Variants in ZNF133 observed in about 807,000 individuals in gnomAD.
ZNF133 encodes the protein zinc finger protein 133, also known as zinc finger protein 133 (clone pHZ-13).
ZNF133 carries 26 observed loss-of-function variants against 54.9 expected under a neutral mutation model. That is an observed-to-expected ratio of 0.47 (90% CI 0.35 to 0.66). The LOEUF (loss-of-function observed/expected upper bound fraction) is 0.66, where lower values mean the gene tolerates loss of function less well. Ranked by LOEUF, ZNF133 falls within the 30% of genes least tolerant of loss-of-function variation. The pLI, the probability that ZNF133 is intolerant of heterozygous loss-of-function variation, is 0.01. For synonymous variants in ZNF133, 298 were observed against 320.3 expected (o/e 0.93, Z 0.74); for missense variants, 653 against 820.8 (o/e 0.80, Z 2.50).
chr20:18,308,425 C>G (rs142213004), intron 6 of ZNF133, among the ~76,000 whole-genome samples: 24 of 152,204 alleles, frequency 1.6e-4, no homozygotes, highest in African/African-American at 5.8e-4. Context: ...TCTCCACAGT[C>G]GTAATTTATA....
chr20:18,314,760 G>A (rs1264396784), intron 6 of ZNF133: 4 of 274,482 alleles, frequency 1.5e-5, no homozygotes, highest in East Asian at 1.3e-4. Flanking sequence ...ATGGTTGTGA[G>A]TTAGAAGGTA....
In ZNF133 at chr20:18,315,051, A is replaced by C; in HGVS notation, c.218-18A>C. On this transcript the variant is annotated intron_variant, in intron 6 of 6. Transcript: ENST00000425686. ...CCCACTGAGGACTCAGTTGTGACTC[A>C]CACTTTTCTCTCTGCAGCAGATCCA... is the stretch of plus-strand genomic sequence containing the variant. 2 of 1,518,260 alleles carry C rather than the reference A, an allele frequency of 1.3e-6. No individual in the cohort carries two copies. The highest frequency in any genetic ancestry group is 2.7e-5 in the South Asian group (2 of 74,846). The allele number at this position is 1,518,260 out of a possible 1,614,324, so 94.0% of individuals were successfully genotyped here.
At chr20:18,296,761 T>G (rs1031392159) in intron 1 of ZNF133, among the ~76,000 whole-genome samples, 1 of 152,238 alleles carries the variant, frequency 6.6e-6, no homozygotes, top group African/African-American at 2.4e-5. Context: ...GTTCTTCCCT[T>G]CAGTTCTTTT....
At chr20:18,297,899 T>G in intron 1 of ZNF133, 86 bp from the exon 2 acceptor site, 1 of 812,278 alleles carries the variant, frequency 1.2e-6, no homozygotes, top group Non-Finnish European at 2.0e-6. Context: ...GCGCCCCCAG[T>G]TGTGGGGTTA....
At chr20:18,292,764 C>T (rs1392103431) in intron 1 of ZNF133, among the ~76,000 whole-genome samples, 2 of 152,062 alleles carry the variant, frequency 1.3e-5, no homozygotes, top group Admixed American at 1.3e-4. Context: ...TTCTGTATCC[C>T]CAGGGTTTAA....
intron 3 of ZNF133, among the ~76,000 whole-genome samples, chr20:18,300,605 AT>A (rs1296282064): frequency 6.6e-6 from 1 of 152,186 alleles, no homozygotes; most frequent in East Asian, 1.9e-4. Flanking sequence ...AAAGGCACAA[AT>A]AGTTTCAGAA....
At chr20:18,297,447 T>C (rs1997872) in intron 1 of ZNF133, among the ~76,000 whole-genome samples, 47,549 of 152,000 alleles carry the variant, frequency 0.31, 8,935 homozygotes, top group East Asian at 0.64. Flanking sequence ...GGGGTATATC[T>C]CATATCCCAA....
At chr20:18,299,523 G>A (rs1424609264) in intron 3 of ZNF133, among the ~76,000 whole-genome samples, 2 of 152,182 alleles carry the variant, frequency 1.3e-5, no homozygotes, top group African/African-American at 4.8e-5. Context: ...GAGATTGTTT[G>A]AAGAAATAAT....
intron 1 of ZNF133, among the ~76,000 whole-genome samples, chr20:18,293,910 A>G (rs1038029987): frequency 2.2e-4 from 34 of 152,260 alleles, no homozygotes; most frequent in African/African-American, 8.2e-4. Flanking sequence ...TAATTAATGG[A>G]TTTAGAATGA....
intron 1 of ZNF133, among the ~76,000 whole-genome samples, chr20:18,292,021 C>T (rs2041156332): frequency 2.0e-5 from 3 of 152,152 alleles, no homozygotes; most frequent in African/African-American, 7.2e-5. Flanking sequence ...CTTCAGATTG[C>T]TTGGAGTCAT....
chr20:18,313,123 A>G lies in ZNF133; in HGVS notation c.218-1946A>G, dbSNP rs975185485. The G allele has an allele frequency of 6.6e-5, 10 of 152,214 alleles. 1 individual carries two copies. The highest frequency in any genetic ancestry group is 1.9e-4 in the African/African-American group (8 of 41,450). 9.4% of individuals were successfully genotyped at this position (152,214 alleles called of 1,614,324 possible). On this transcript the variant is annotated intron_variant, in intron 6 of 6. Transcript: ENST00000425686. ...GAGCACCTTAGATTTAAAATATTTT[A>G]TAAATAAATTCATTAACCTGGTAAT...
At chr20:18,291,709 A>ATTTTTTTT (rs35116436) in intron 1 of ZNF133, among the ~76,000 whole-genome samples, 1 of 138,892 alleles carries the variant, frequency 7.2e-6, no homozygotes, top group South Asian at 2.3e-4. Flanking sequence ...TTCCAGTTGG[A>ATTTTTTTT]TTTTTTTTTT....
At chr20:18,306,702 A>G in intron 6 of ZNF133, 3 of 1,347,548 alleles carry the variant, frequency 2.2e-6, no homozygotes, top group South Asian at 1.3e-5. Flanking sequence ...TGTTTTTTAA[A>G]AAGATCATCA....
At chr20:18,310,605 G>A (rs2045679945) in intron 6 of ZNF133, among the ~76,000 whole-genome samples, 1 of 152,170 alleles carries the variant, frequency 6.6e-6, no homozygotes, top group Non-Finnish European at 1.5e-5. Context: ...GAATACAATG[G>A]TGGTTACTAG....
At chr20:18,307,053 AC>A (rs200269479) in intron 6 of ZNF133, among the ~76,000 whole-genome samples, 4 of 129,010 alleles carry the variant, frequency 3.1e-5, no homozygotes, top group East Asian at 2.0e-4. Flanking sequence ...AGTTCCAATC[AC>A]CCCCCCTCCC....
At position 18,305,827 on chromosome 20, in the gene ZNF133, G is replaced by A. The variant is rs1314828751; in HGVS notation, c.121+20G>A. 15 of 1,590,542 alleles carry A rather than the reference G, an allele frequency of 9.4e-6. No homozygotes were observed. In the Admixed American group the frequency reaches 1.6e-4, roughly 17 times the overall value. On this transcript the variant is annotated intron_variant, in intron 5 of 6. Coordinates refer to ENST00000425686, the MANE Select transcript of ZNF133 (RefSeq NM_001352452.2). The surrounding 1 kb of genome is among the most constrained non-coding windows in gnomAD (Gnocchi z 4.7). The stretch of plus-strand genomic sequence containing the variant: ...CACTGGGTAAGCCTGATATCTGTTA[G>A]GATTCCCATTCTTATTGCTGGGAAT...
Position 18,309,908 on chromosome 20 carries a change from A to G in ZNF133, c.217+3515A>G, listed in dbSNP as rs140495623. On this transcript the variant is annotated intron_variant, in intron 6 of 6. Transcript: ENST00000425686. ...ACAAGAGAGGTGTCTAGCCAAGGAC[A>G]TGGAAGGAATGTTGGACAGAGAAGG... Among the ~76,000 whole-genome samples, 510 of 152,336 alleles carry G rather than the reference A, an allele frequency of 3.3e-3. 11 individuals carry two copies. Among genetic ancestry groups the G allele is most frequent in the Admixed American group, 0.031 (478 of 15,300 alleles).
intron 1 of ZNF133, among the ~76,000 whole-genome samples, chr20:18,291,322 T>C (rs1207804228): frequency 1.3e-5 from 2 of 152,232 alleles, no homozygotes; most frequent in Admixed American, 6.5e-5. Flanking sequence ...CCAAAAAATA[T>C]TCTTGTCAGG....
intron 6 of ZNF133, among the ~76,000 whole-genome samples, chr20:18,307,071 C>G (rs1451432593): frequency 6.6e-6 from 1 of 152,060 alleles, no homozygotes; most frequent in Non-Finnish European, 1.5e-5. Flanking sequence ...TCCCAACATC[C>G]TTTGTACTAT....
Sources: gnomAD v4.1 joint callset for allele counts (sites outside exome capture counted in the v4.1 genomes callset) on GRCh38, gnomAD v4.1.1 for gene constraint, Gnocchi (gnomAD v3.1) non-coding constraint, MANE v1.5 for transcripts, NCBI Gene and HGNC (gene_info 2026-07-23, HGNC 2026-07-21) for gene names.